The following UBR3 variants were observed in gnomAD, a reference collection of about 807,000 sequenced individuals.
UBR3 encodes ubiquitin protein ligase E3 component n-recognin 3.
A neutral mutation model predicts 243.2 loss-of-function variants in UBR3; 85 were observed. The ratio of observed to expected loss-of-function variants is 0.35; its 90% CI spans 0.29 to 0.42. The LOEUF (loss-of-function observed/expected upper bound fraction) is 0.42, where lower values mean the gene tolerates loss of function less well. UBR3 is among the 10% of genes least tolerant of loss of function. The probability of loss-of-function intolerance (pLI) is 1.00; values close to 1 mark genes in which losing one functional copy is unlikely to be tolerated. For synonymous variants in UBR3, 748 were observed against 799.8 expected (o/e 0.94, Z 1.09); for missense variants, 1,686 against 2,300.8 (o/e 0.73, Z 5.47).
intron 1 of UBR3, among the ~76,000 whole-genome samples, chr2:169,866,213 A>G (rs1255554159): frequency 1.4e-5 from 2 of 140,388 alleles, no homozygotes; most frequent in East Asian, 4.1e-4. Context: ...TAAAACGTGT[A>G]CTTGATTTTC....
intron 23 of UBR3, among the ~76,000 whole-genome samples, chr2:169,950,639 T>TA (rs1040336530): frequency 5.9e-5 from 9 of 152,124 alleles, no homozygotes; most frequent in South Asian, 2.1e-4. Context: ...GGGATTTTTT[T>TA]AAAATCTCAA....
At chr2:170,078,166 A>T (rs769421357) in intron 36 of UBR3, 3 of 560,916 alleles carry the variant, frequency 5.3e-6, no homozygotes, top group Admixed American at 2.4e-5. Context: ...CCTTCAGACC[A>T]ATCATTTTCT....
At chr2:169,845,533 C>CG (rs1559012434) in intron 1 of UBR3, among the ~76,000 whole-genome samples, 117 of 125,068 alleles carry the variant, frequency 9.4e-4, no homozygotes, top group East Asian at 1.7e-3. Context: ...TCGTCGTCGT[C>CG]TTCTTCTTCT....
chr2:170,080,676 G>A lies in UBR3; in HGVS notation c.5541G>A (p.Arg1847=). 6.2e-7 allele frequency: 1 copy of A among 1,613,568 alleles called. No individual in the cohort carries two copies. The highest frequency in any genetic ancestry group is 1.1e-5 in the South Asian group (1 of 90,944). ...TGGATGCTCATGGAGAGGAAGACCGGGATCTTAGGTTAGATGTTCATGGAT... is the reference window on the plus strand; with the variant it reads ...TGGATGCTCATGGAGAGGAAGACCGAGATCTTAGGTTAGATGTTCATGGAT... The part of the protein sequence containing the change: ...VYLDAHGEED[R]DLRRGKPLYI... Residue 1847 remains arginine (R), a synonymous_variant, in exon 38 of 39, where the codon CGG becomes CGA. Transcript: ENST00000272793.
chr2:169,888,359 G>A (rs1296434317), intron 5 of UBR3, among the ~76,000 whole-genome samples: 1 of 144,384 alleles, frequency 6.9e-6, no homozygotes, highest in Non-Finnish European at 1.5e-5. Flanking sequence ...GGCTGATCTC[G>A]AACTCCTGAC....
intron 1 of UBR3, among the ~76,000 whole-genome samples, chr2:169,842,855 G>C (rs1181892999): frequency 6.6e-6 from 1 of 152,258 alleles, no homozygotes; most frequent in East Asian, 1.9e-4. Flanking sequence ...TCTGGACACA[G>C]TAGGACATGG....
chr2:170,070,909 C>T (rs1380169052), intron 35 of UBR3, among the ~76,000 whole-genome samples: 3 of 151,994 alleles, frequency 2.0e-5, no homozygotes, highest in Non-Finnish European at 4.4e-5. Context: ...GTCAAAAATT[C>T]TTTTAACTCA....
chr2:169,959,218 T>G (rs13406118), intron 24 of UBR3, among the ~76,000 whole-genome samples: 219 of 152,244 alleles, frequency 1.4e-3, no homozygotes, highest in African/African-American at 5.0e-3. Flanking sequence ...GCATTTTTGT[T>G]TACCTAAACT....
intron 1 of UBR3, among the ~76,000 whole-genome samples, chr2:169,847,212 A>G (rs2105289991): frequency 6.6e-6 from 1 of 152,108 alleles, no homozygotes; most frequent in Non-Finnish European, 1.5e-5. Flanking sequence ...TTTACATTTA[A>G]AACAATTATT....
intron 26 of UBR3, among the ~76,000 whole-genome samples, chr2:169,996,693 G>GTTTTTTTTT (rs397871702): frequency 2.5e-4 from 16 of 64,514 alleles, no homozygotes; most frequent in East Asian, 7.1e-4. Flanking sequence ...TTGGACTTTT[G>GTTTTTTTTT]TTTTTTTTTT....
At chr2:169,906,227 TTG>T (rs2085004244) in intron 10 of UBR3, 63 bp downstream of exon 10, 15 of 1,489,696 alleles carry the variant, frequency 1.0e-5, no homozygotes, top group Non-Finnish European at 1.3e-5. Flanking sequence ...AAATATTGGT[TTG>T]TTCATTTGTA....
chr2:169,889,654 G>A (rs2084249455), intron 5 of UBR3, among the ~76,000 whole-genome samples: 1 of 152,214 alleles, frequency 6.6e-6, no homozygotes, highest in Middle Eastern at 3.2e-3. Context: ...GATGGCCAGA[G>A]AGGCCTGGCA....
chr2:169,901,499 C>T (rs1242061045), intron 8 of UBR3, among the ~76,000 whole-genome samples: 1 of 152,104 alleles, frequency 6.6e-6, no homozygotes, highest in Non-Finnish European at 1.5e-5. Context: ...TTAGAATAAA[C>T]CTTAGCTGTA....
rs2091915446 is a variant in UBR3, at chr2:170,081,974, T to C, written c.*131T>C. 17 of 601,522 alleles carry C rather than the reference T, an allele frequency of 2.8e-5. 1 individual carries two copies. In the East Asian group the frequency reaches 5.3e-4, roughly 19 times the overall value. 37.3% of individuals were successfully genotyped at this position (601,522 alleles called of 1,614,324 possible). On this transcript the variant is annotated 3_prime_UTR_variant, in exon 39 of 39. Coordinates refer to ENST00000272793, the MANE Select transcript of UBR3 (RefSeq NM_172070.4). The stretch of plus-strand genomic sequence containing the variant: ...AAAAGAAAACATACATTATGAAGCC[T>C]TTCCAAAATTAGGTGCTTGGTAATC...
At chr2:169,886,547 T>C (rs2084110141) in intron 5 of UBR3, among the ~76,000 whole-genome samples, 1 of 152,226 alleles carries the variant, frequency 6.6e-6, no homozygotes, top group Non-Finnish European at 1.5e-5. Flanking sequence ...TAGATATTAA[T>C]ATTTTCTGTC....
At chr2:170,020,608 T>C (rs1383203882) in intron 30 of UBR3, among the ~76,000 whole-genome samples, 2 of 152,112 alleles carry the variant, frequency 1.3e-5, no homozygotes, top group African/African-American at 4.8e-5. Flanking sequence ...CTGGAGCTTT[T>C]CCCCCCTGTT....
chr2:170,050,547 T>C (rs143125578), intron 32 of UBR3, among the ~76,000 whole-genome samples: 12 of 152,324 alleles, frequency 7.9e-5, no homozygotes, highest in African/African-American at 2.9e-4. Context: ...TTCAAGTAAG[T>C]ATTGATCTTC....
intron 14 of UBR3, among the ~76,000 whole-genome samples, chr2:169,926,269 T>G (rs1195304747): frequency 6.6e-6 from 1 of 152,146 alleles, no homozygotes; most frequent in Non-Finnish European, 1.5e-5. Flanking sequence ...CCCCTCAAGA[T>G]GTCAAAACAT....
chr2:170,077,552 T>C (rs557952944), intron 36 of UBR3: 36 of 668,566 alleles, frequency 5.4e-5, no homozygotes, highest in Non-Finnish European at 9.0e-5. Context: ...CAGACTTTAG[T>C]AACCATCCTC....
Sources: gnomAD v4.1 joint callset for allele counts (sites outside exome capture counted in the v4.1 genomes callset) on GRCh38, gnomAD v4.1.1 for gene constraint, MANE v1.5 for transcripts, NCBI Gene and HGNC (gene_info 2026-07-23, HGNC 2026-07-21) for gene names.